The following SPTBN1 variants were observed in gnomAD, a reference collection of about 807,000 sequenced individuals.
SPTBN1 encodes the protein spectrin beta chain, non-erythrocytic 1.
In SPTBN1, 32 loss-of-function variants were observed where a neutral mutation model predicts 266.4. That is an observed-to-expected ratio of 0.12 (90% CI 0.09 to 0.16). SPTBN1 has a LOEUF of 0.16. Among genes scored for constraint, SPTBN1 ranks in the 10% least tolerant of loss-of-function variants. The pLI is 1.00. For synonymous variants in SPTBN1, 1,336 were observed against 1,162.2 expected (o/e 1.15, Z -3.04); for missense variants, 2,296 against 3,067.1 (o/e 0.75, Z 5.94).
intron 32 of SPTBN1, chr2:54,662,258 T>C (rs1681099041): frequency 2.0e-6 from 2 of 985,378 alleles, no homozygotes; most frequent in Admixed American, 6.1e-5. Context: ...GTGTGCTGTC[T>C]GTTGGCATGC....
At chr2:54,493,031 G>T (rs1450047463) in intron 1 of SPTBN1, among the ~76,000 whole-genome samples, 2 of 141,024 alleles carry the variant, frequency 1.4e-5, no homozygotes, top group East Asian at 2.0e-4. Flanking sequence ...TTTGAGACAG[G>T]GTCTCACTCT....
chr2:54,640,829 G>A (rs910635621), intron 18 of SPTBN1, among the ~76,000 whole-genome samples: 1 of 152,258 alleles, frequency 6.6e-6, no homozygotes, highest in Non-Finnish European at 1.5e-5. Flanking sequence ...TGGGATTACA[G>A]GTGTGGGCCA....
chr2:54,671,065 G>A lies in SPTBN1; in HGVS notation c.*2496G>A, dbSNP rs1283491974. On this transcript the variant is annotated 3_prime_UTR_variant, in exon 36 of 36. Coordinates refer to ENST00000356805, the MANE Select transcript of SPTBN1 (RefSeq NM_003128.3). ...TGATTTTCAGTGATACAATATGGGT[G>A]ACAATACTGGCCCCTCCATAAATCT... is the stretch of plus-strand genomic sequence containing the variant. 1 of 352,998 alleles carries A rather than the reference G, an allele frequency of 2.8e-6. No individual in the cohort carries two copies. Among genetic ancestry groups the A allele is most frequent in the African/African-American group, 2.1e-5 (1 of 47,678 alleles). The allele number at this position is 352,998 out of a possible 1,614,324, so 21.9% of individuals were successfully genotyped here. A position where few individuals can be genotyped will look rare whatever the true frequency, so the allele number is the denominator to read the frequency against.
rs1670826457 is a variant in SPTBN1, at chr2:54,526,519, A to C, written c.101A>C (p.Asn34Thr). 6.2e-7 allele frequency: 1 copy of C among 1,614,082 alleles called. No homozygotes were observed. Among genetic ancestry groups the C allele is most frequent in the Non-Finnish European group, 8.5e-7 (1 of 1,180,042 alleles). Residue 34 changes from asparagine to threonine, a missense_variant, in exon 2 of 36, where the codon AAC (asparagine) becomes ACC (threonine). Asn to Thr is a moderately conservative substitution (Grantham distance 65). This residue lies in a region of SPTBN1 where 178 missense variants were observed against 375.7 expected (regional missense o/e 0.47). Transcript: ENST00000356805. Reference sequence around the variant, plus strand: ...GATGTCGACGACTGGGACAATGAGAACAGCTCTGCGCGGCTTTTTGAGCGG... The same window carrying C: ...GATGTCGACGACTGGGACAATGAGACCAGCTCTGCGCGGCTTTTTGAGCGG... ...RWDVDDWDNE[N>T]SSARLFERSR...
At chr2:54,534,657 A>T (rs1671487443) in intron 2 of SPTBN1, among the ~76,000 whole-genome samples, 1 of 152,074 alleles carries the variant, frequency 6.6e-6, no homozygotes, top group Non-Finnish European at 1.5e-5. Context: ...TCTGTTCACC[A>T]CTATAGACCC....
At chr2:54,662,360 C>G (rs1230969483) in intron 32 of SPTBN1, 1 of 978,226 alleles carries the variant, frequency 1.0e-6, no homozygotes, top group Non-Finnish European at 1.2e-6. Flanking sequence ...TTAATGATCT[C>G]TGCATACTGG....
intron 2 of SPTBN1, among the ~76,000 whole-genome samples, chr2:54,594,660 C>T (rs1675932097): frequency 1.3e-5 from 2 of 152,064 alleles, no homozygotes; most frequent in Non-Finnish European, 2.9e-5. Flanking sequence ...TCTTTCCATA[C>T]AACTATTAAA....
At chr2:54,495,238 G>A (rs536036897) in intron 1 of SPTBN1, among the ~76,000 whole-genome samples, 7 of 152,304 alleles carry the variant, frequency 4.6e-5, no homozygotes, top group East Asian at 1.9e-4. Flanking sequence ...TTTTGAAAGC[G>A]TTGTACATCA....
At chr2:54,654,427 A>C (rs1680513222) in intron 27 of SPTBN1, among the ~76,000 whole-genome samples, 1 of 152,212 alleles carries the variant, frequency 6.6e-6, no homozygotes, top group Middle Eastern at 3.2e-3. Flanking sequence ...GTACATATTT[A>C]ACCTCCAGTT....
intron 26 of SPTBN1, among the ~76,000 whole-genome samples, chr2:54,651,929 T>G (rs1213149026): frequency 6.6e-6 from 1 of 152,188 alleles, no homozygotes; most frequent in Non-Finnish European, 1.5e-5. Context: ...TTTTTTAACC[T>G]GTTATCACCT....
rs927938865 is a variant in SPTBN1 at position 54,646,070 on chromosome 2, A to T, written c.4584+53A>T. The T allele has an allele frequency of 3.1e-6, 5 of 1,612,916 alleles. No individual in the cohort carries two copies. Among genetic ancestry groups the T allele is most frequent in the African/African-American group, 2.7e-5 (2 of 74,888 alleles). ...GTCTGATAAATAATTGCTCTAAATT[A>T]TGAGACTGGGAATGGCAGAGAGCTT... On this transcript the variant is annotated intron_variant, in intron 22 of 35. Transcript: ENST00000356805. The surrounding 1 kb of genome is among the most constrained non-coding windows in gnomAD (Gnocchi z 4.4).
In SPTBN1 at chr2:54,503,768, C is replaced by T. The variant is rs1399233774; in HGVS notation, c.-47-22604C>T. ...GCTGAATACATAACTATTCATCCCT[C>T]AGTAGCTGAGTGTGGTTACAATGAA... On this transcript the variant is annotated intron_variant, in intron 1 of 35. Coordinates refer to ENST00000356805, the MANE Select transcript of SPTBN1 (RefSeq NM_003128.3). Among the ~76,000 whole-genome samples, 4 of 152,288 alleles carry T rather than the reference C, an allele frequency of 2.6e-5. No individual in the cohort carries two copies. The East Asian group carries it at 7.7e-4, about 29-fold the overall frequency.
intron 2 of SPTBN1, among the ~76,000 whole-genome samples, chr2:54,550,455 C>T (rs1020358453): frequency 1.3e-5 from 2 of 152,292 alleles, no homozygotes; most frequent in African/African-American, 4.8e-5. Context: ...ACTGGGTAAT[C>T]GGTACCTGTT....
chr2:54,526,693 C>T (rs868184700), intron 2 of SPTBN1, 127 bp downstream of exon 2: 4 of 1,192,628 alleles, frequency 3.4e-6, no homozygotes, highest in East Asian at 5.5e-5. Context: ...TAAATGTGTC[C>T]TTGAGAGCCA....
At chr2:54,591,975 C>G (rs1241910944) in intron 2 of SPTBN1, among the ~76,000 whole-genome samples, 1 of 152,030 alleles carries the variant, frequency 6.6e-6, no homozygotes, top group Non-Finnish European at 1.5e-5. Context: ...TGAGGTCAGC[C>G]TGGGCAATCT....
intron 2 of SPTBN1, among the ~76,000 whole-genome samples, chr2:54,594,851 T>TTTTTTTTTTTTTTTTTTTTTTTTG (rs10673399): frequency 6.9e-6 from 1 of 144,870 alleles, no homozygotes; most frequent in African/African-American, 2.8e-5. Flanking sequence ...TTTTTTTTTT[T>TTTTTTTTTTTTTTTTTTTTTTTTG]GAGACAGAGT....
At chr2:54,634,512 T>G (rs144261867) in intron 17 of SPTBN1, among the ~76,000 whole-genome samples, 19 of 152,220 alleles carry the variant, frequency 1.2e-4, no homozygotes, top group African/African-American at 4.3e-4. Flanking sequence ...AGAACTACAT[T>G]TTCTTATTTT....
At chr2:54,526,308 G>GT (rs1297896626) in intron 1 of SPTBN1, 64 bp from the exon 2 acceptor site, 1 of 1,342,226 alleles carries the variant, frequency 7.5e-7, no homozygotes, top group African/African-American at 1.5e-5. Flanking sequence ...TCTTATCCCA[G>GT]TTGGTTCCGT....
At chr2:54,661,054 G>A in intron 32 of SPTBN1, 1 of 985,312 alleles carries the variant, frequency 1.0e-6, no homozygotes, top group Non-Finnish European at 1.2e-6. Context: ...CATGCCCCCT[G>A]GCTTCAGAAG....
Sources: allele counts gnomAD v4.1 joint callset (sites outside exome capture counted in the v4.1 genomes callset), GRCh38; gene constraint gnomAD v4.1.1; regional missense constraint gnomAD v4.1.1; non-coding constraint Gnocchi (gnomAD v3.1); transcripts MANE v1.5; gene names NCBI Gene and HGNC (gene_info 2026-07-23, HGNC 2026-07-21).